GALNTL6: variants seen among roughly 807,000 people sequenced by gnomAD.
GALNTL6 encodes polypeptide N-acetylgalactosaminyltransferase like 6, also known as polypeptide N-acetylgalactosaminyltransferase-like 6.
Under a neutral mutation model 73.7 loss-of-function variants are expected in GALNTL6, and 46 were observed. The ratio of observed to expected loss-of-function variants is 0.62; its 90% confidence interval spans 0.49 to 0.80. The LOEUF (loss-of-function observed/expected upper bound fraction) is 0.80. GALNTL6 is among the 30% of genes least tolerant of loss of function. The pLI is 0.00. For missense variants in GALNTL6, 604 were observed against 755.0 expected (o/e 0.80, Z 2.34); for synonymous variants, 259 against 263.7 (o/e 0.98, Z 0.17).
At chr4:172,588,828 T>TC (rs1249359699) in intron 5 of GALNTL6, among the ~76,000 whole-genome samples, 11 of 152,248 alleles carry the variant, frequency 7.2e-5, no homozygotes, top group African/African-American at 2.4e-4. Context: ...CTGAAACAGA[T>TC]CCGCAGCTCT....
At chr4:172,035,514 T>C (rs1469817563) in intron 2 of GALNTL6, among the ~76,000 whole-genome samples, 1 of 152,102 alleles carries the variant, frequency 6.6e-6, no homozygotes, top group African/African-American at 2.4e-5. Flanking sequence ...AAACATGCAT[T>C]TCATGTGACA....
intron 7 of GALNTL6, among the ~76,000 whole-genome samples, chr4:172,871,771 G>GTTTGTTTA (rs1325004451): frequency 6.6e-6 from 1 of 151,594 alleles, no homozygotes. Flanking sequence ...TTGTTTGTTT[G>GTTTGTTTA]TTTGTTTGTT....
chr4:172,550,829 G>T (rs1176894371), intron 5 of GALNTL6, among the ~76,000 whole-genome samples: 1 of 152,102 alleles, frequency 6.6e-6, no homozygotes, highest in East Asian at 1.9e-4. Context: ...AGACTGAATT[G>T]TTCATGTTTT....
chr4:172,537,879 T>C (rs111236098), intron 5 of GALNTL6, among the ~76,000 whole-genome samples: 57 of 152,240 alleles, frequency 3.7e-4, no homozygotes, highest in African/African-American at 1.3e-3. Context: ...AAAGTGCCAT[T>C]GAACACATTA....
Position 172,673,347 on chromosome 4 carries a change from T to C in GALNTL6, c.554-136014T>C, listed in dbSNP as rs115119158. 4.4e-3 allele frequency among the ~76,000 whole-genome samples: 677 copies of C among 152,350 alleles called. 5 individuals are homozygous for C. The highest frequency in any genetic ancestry group is 0.016 in the African/African-American group (647 of 41,580). ...CTGTGGTCCAAGAGATTGTTTGTTA[T>C]GATTTCGGTTCTTTTGCATTTGCTG... On this transcript the variant is annotated intron_variant, in intron 5 of 12. Transcript: ENST00000506823.
At chr4:172,632,155 G>A (rs1231864242) in intron 5 of GALNTL6, among the ~76,000 whole-genome samples, 1 of 152,182 alleles carries the variant, frequency 6.6e-6, no homozygotes, top group African/African-American at 2.4e-5. Flanking sequence ...TCTCAGGTAT[G>A]TCTTTATTAG....
intron 5 of GALNTL6, among the ~76,000 whole-genome samples, chr4:172,483,741 C>A (rs1174834139): frequency 2.6e-5 from 4 of 152,056 alleles, no homozygotes; most frequent in Non-Finnish European, 5.9e-5. Context: ...ACTTAAGATA[C>A]AAGGGGGAGA....
rs1208553743 is a variant in GALNTL6, at chr4:172,882,023, C to T, written c.924-767C>T. ...TTAGACCAGCACATAGTGAGCAGTC[C>T]AAAAAAAAAAAAATAAACAAGAGCA... On this transcript the variant is annotated intron_variant, in intron 7 of 12. Coordinates refer to ENST00000506823, the MANE Select transcript of GALNTL6 (RefSeq NM_001034845.3). Among the ~76,000 whole-genome samples, 3 of 121,278 alleles carry T rather than the reference C, an allele frequency of 2.5e-5. No homozygotes were observed. In the East Asian group the frequency reaches 7.1e-4, roughly 29 times the overall value. 79.6% of individuals were successfully genotyped at this position (121,278 alleles called of 152,430 possible).
At chr4:172,824,946 G>A (rs1246741617) in intron 7 of GALNTL6, among the ~76,000 whole-genome samples, 1 of 152,066 alleles carries the variant, frequency 6.6e-6, no homozygotes, top group African/African-American at 2.4e-5. Context: ...AGTATCTGAA[G>A]TGAGGCTACA....
intron 8 of GALNTL6, among the ~76,000 whole-genome samples, chr4:172,905,996 G>A (rs62340329): frequency 0.012 from 1,841 of 152,170 alleles, 20 homozygotes; most frequent in Non-Finnish European, 0.019. Flanking sequence ...ACTTGAAGTC[G>A]GCAGCTATCA....
At chr4:172,481,117 G>A (rs553561783) in intron 5 of GALNTL6, among the ~76,000 whole-genome samples, 7 of 152,236 alleles carry the variant, frequency 4.6e-5, no homozygotes, top group Non-Finnish European at 7.3e-5. Flanking sequence ...ATGTTTGGAC[G>A]TGTTCGGAGT....
At chr4:173,010,679 C>T (rs1480678315) in intron 11 of GALNTL6, among the ~76,000 whole-genome samples, 2 of 152,000 alleles carry the variant, frequency 1.3e-5, no homozygotes, top group African/African-American at 4.8e-5. Flanking sequence ...ACTACAACCT[C>T]CGACTCCCTG....
chr4:172,872,034 T>C (rs1744972533), intron 7 of GALNTL6, among the ~76,000 whole-genome samples: 2 of 152,144 alleles, frequency 1.3e-5, no homozygotes, highest in Admixed American at 6.5e-5. Context: ...CTCAGGTGAT[T>C]CACCCTCCTC....
intron 4 of GALNTL6, among the ~76,000 whole-genome samples, chr4:172,337,230 C>T (rs1741367359): frequency 6.6e-6 from 1 of 151,982 alleles, no homozygotes; most frequent in African/African-American, 2.4e-5. Context: ...TCCAGCTTGG[C>T]ACCCTGTACC....
chr4:173,033,250 G>C (rs1237515437), intron 12 of GALNTL6, among the ~76,000 whole-genome samples: 1 of 151,932 alleles, frequency 6.6e-6, no homozygotes, highest in Non-Finnish European at 1.5e-5. Context: ...AGTTCCACCC[G>C]CCTCGGCCTC....
intron 10 of GALNTL6, among the ~76,000 whole-genome samples, chr4:172,968,551 A>T (rs1036795175): frequency 2.6e-5 from 4 of 152,230 alleles, no homozygotes; most frequent in Non-Finnish European, 1.5e-5. Context: ...CTGTGAATTC[A>T]ATCTAAAATA....
intron 10 of GALNTL6, among the ~76,000 whole-genome samples, chr4:172,968,593 TC>T (rs1191352902): frequency 3.3e-5 from 5 of 152,106 alleles, no homozygotes; most frequent in Admixed American, 6.6e-5. Flanking sequence ...GACAAAAGCT[TC>T]CAAACCAGAG....
intron 2 of GALNTL6, among the ~76,000 whole-genome samples, chr4:172,064,953 C>T (rs113038343): frequency 1.3e-5 from 2 of 152,036 alleles, no homozygotes; most frequent in Non-Finnish European, 2.9e-5. Flanking sequence ...TTTTTTCTAG[C>T]AAATCTTCAT....
chr4:171,875,597 A>G (rs1354960813), intron 2 of GALNTL6, among the ~76,000 whole-genome samples: 1 of 151,876 alleles, frequency 6.6e-6, no homozygotes, highest in Non-Finnish European at 1.5e-5. Context: ...ATCTGTGCTT[A>G]TTGTTCTTAT....
Sources: allele counts gnomAD v4.1 joint callset (sites outside exome capture counted in the v4.1 genomes callset), GRCh38; gene constraint gnomAD v4.1.1; transcripts MANE v1.5; gene names NCBI Gene and HGNC (gene_info 2026-07-23, HGNC 2026-07-21).